TMEFF2: variants seen among roughly 807,000 people sequenced by gnomAD.
The protein encoded by TMEFF2 is transmembrane protein with EGF like and two follistatin like domains 2.
TMEFF2 carries 28 observed loss-of-function variants against 53.8 expected under a neutral mutation model. That is an observed-to-expected ratio of 0.52 (90% CI 0.39 to 0.71). The LOEUF (loss-of-function observed/expected upper bound fraction) is 0.71, where lower values mean the gene tolerates loss of function less well. TMEFF2 is among the 30% of genes least tolerant of loss of function. TMEFF2 has a pLI of 0.00. For synonymous variants in TMEFF2, 162 were observed against 166.3 expected (o/e 0.97, Z 0.20); for missense variants, 353 against 455.2 (o/e 0.78, Z 2.04).
intron 4 of TMEFF2, chr2:192,176,875 G>A (rs139542724): frequency 1.1e-4 from 16 of 151,086 alleles, no homozygotes; most frequent in East Asian, 5.8e-4. Flanking sequence ...ATTTTTACAT[G>A]ATTTTAGATT....
At chr2:192,190,615 G>A (rs1691439201) in intron 2 of TMEFF2, among the ~76,000 whole-genome samples, 1 of 152,144 alleles carries the variant, frequency 6.6e-6, no homozygotes, top group Non-Finnish European at 1.5e-5. Context: ...AAACTGTACA[G>A]TCAGAGCACT....
chr2:192,069,399 A>AC (rs1429067629), intron 4 of TMEFF2, among the ~76,000 whole-genome samples: 6 of 150,126 alleles, frequency 4.0e-5, no homozygotes, highest in East Asian at 3.9e-4. Context: ...CATCACACAC[A>AC]AAAAAAATAG....
chr2:192,158,818 A>G (rs1001477528), intron 4 of TMEFF2, among the ~76,000 whole-genome samples: 2 of 152,164 alleles, frequency 1.3e-5, no homozygotes, highest in Non-Finnish European at 2.9e-5. Flanking sequence ...TCTTTAGTAC[A>G]TGAATTTAAA....
Position 192,062,809 on chromosome 2 carries a change from G to A in TMEFF2, c.440-5034C>T, listed in dbSNP as rs796654505. Among the ~76,000 whole-genome samples the A allele has an allele frequency of 7.9e-5, 12 of 152,014 alleles. No homozygotes were observed. The South Asian group carries it at 1.9e-3, about 24-fold the overall frequency. ...TGTATCTATTTTCTTGAGATATGCT[G>A]GCTGTAATTTTCTTTTCTTGTATTT... On this transcript the variant is annotated intron_variant, in intron 4 of 9. Transcript: ENST00000272771.
At chr2:191,966,861 A>G (rs1692486360) in intron 7 of TMEFF2, among the ~76,000 whole-genome samples, 1 of 152,196 alleles carries the variant, frequency 6.6e-6, no homozygotes. Context: ...GTTTTCTACA[A>G]GAGCATCCTA....
At chr2:192,058,430 TA>T (rs1301065143) in intron 4 of TMEFF2, among the ~76,000 whole-genome samples, 8 of 152,116 alleles carry the variant, frequency 5.3e-5, no homozygotes, top group African/African-American at 1.9e-4. Context: ...TATTTTATTT[TA>T]AAAAAATACA....
At chr2:192,079,656 C>G (rs1688509075) in intron 4 of TMEFF2, among the ~76,000 whole-genome samples, 1 of 152,132 alleles carries the variant, frequency 6.6e-6, no homozygotes, top group African/African-American at 2.4e-5. Context: ...AATGATTTTT[C>G]CTTACTTTCC....
At chr2:192,022,467 A>G (rs1334934236) in intron 5 of TMEFF2, among the ~76,000 whole-genome samples, 1 of 152,136 alleles carries the variant, frequency 6.6e-6, no homozygotes. Flanking sequence ...GTTCTACTTT[A>G]TTACTTTAGC....
chr2:192,149,985 A>C (rs1690345451), intron 4 of TMEFF2, among the ~76,000 whole-genome samples: 1 of 151,954 alleles, frequency 6.6e-6, no homozygotes, highest in Non-Finnish European at 1.5e-5. Context: ...CCCATTATAC[A>C]GCAATTCTTT....
At chr2:192,133,911 C>T (rs1689927579) in intron 4 of TMEFF2, among the ~76,000 whole-genome samples, 2 of 152,192 alleles carry the variant, frequency 1.3e-5, no homozygotes, top group South Asian at 4.1e-4. Flanking sequence ...TCTCCCAAAC[C>T]TCAATCCCTT....
In TMEFF2 at chr2:192,194,215, T is replaced by G; in HGVS notation, c.172+138A>C. ...CAACAGTTCCCCTTGTTTCTCTGGA[T>G]AGAGGTGGGTGGTATTAGGGGTCTA... On this transcript the variant is annotated intron_variant, in intron 1 of 9. Transcript: ENST00000272771. This position sits in a 1 kb window ranked among gnomAD's most constrained non-coding sequence, Gnocchi z 4.2. 4.0e-6 allele frequency: 4 copies of G among 1,003,742 alleles called. No homozygotes were observed. The highest frequency in any genetic ancestry group is 6.0e-6 in the Non-Finnish European group (4 of 670,652). The allele number at this position is 1,003,742 out of a possible 1,614,324, so 62.2% of individuals were successfully genotyped here. A position where few individuals can be genotyped will look rare whatever the true frequency, so the allele number is the denominator to read the frequency against.
chr2:192,154,137 C>T (rs1164617353), intron 4 of TMEFF2, among the ~76,000 whole-genome samples: 2 of 151,888 alleles, frequency 1.3e-5, no homozygotes, highest in East Asian at 3.9e-4. Flanking sequence ...TTAGAGGAGT[C>T]CAAGACTATA....
intron 7 of TMEFF2, among the ~76,000 whole-genome samples, chr2:191,979,262 T>G (rs1045977993): frequency 2.6e-5 from 4 of 152,242 alleles, no homozygotes; most frequent in Non-Finnish European, 5.9e-5. Flanking sequence ...ACGAAGCCTT[T>G]GGTTTTCATG....
intron 5 of TMEFF2, chr2:192,028,059 G>T (rs1467047134): frequency 1.9e-4 from 3 of 15,728 alleles, no homozygotes; most frequent in African/African-American, 4.7e-4. Context: ...TTGAATTATG[G>T]GGGGGGGGGG....
At chr2:191,994,821 C>T (rs573819426) in intron 7 of TMEFF2, among the ~76,000 whole-genome samples, 1 of 152,010 alleles carries the variant, frequency 6.6e-6, no homozygotes, top group Admixed American at 6.6e-5. Context: ...CATTAAATGG[C>T]CTGGTTAGCT....
chr2:192,149,312 C>G (rs1690328450), intron 4 of TMEFF2, among the ~76,000 whole-genome samples: 1 of 151,840 alleles, frequency 6.6e-6, no homozygotes, highest in South Asian at 2.1e-4. Context: ...TTCATTTGCA[C>G]AAAAAGCAAG....
chr2:191,966,754 C>T (rs933116023), intron 7 of TMEFF2, among the ~76,000 whole-genome samples: 2 of 152,106 alleles, frequency 1.3e-5, no homozygotes, highest in African/African-American at 4.8e-5. Context: ...TATTCTCATA[C>T]TTAAAAGTAT....
chr2:192,089,553 C>T (rs934940443), intron 4 of TMEFF2, among the ~76,000 whole-genome samples: 2 of 151,980 alleles, frequency 1.3e-5, no homozygotes, highest in Non-Finnish European at 2.9e-5. Flanking sequence ...TTCTCCATAC[C>T]CACAGAGTCC....
chr2:192,179,208 A>G (rs1489109103), intron 4 of TMEFF2: 1 of 153,040 alleles, frequency 6.5e-6, no homozygotes, highest in African/African-American at 2.4e-5. Context: ...AAGTTCCTTC[A>G]GTTTCAAATT....
Sources: allele counts gnomAD v4.1 joint callset (sites outside exome capture counted in the v4.1 genomes callset), GRCh38; gene constraint gnomAD v4.1.1; non-coding constraint Gnocchi (gnomAD v3.1); transcripts MANE v1.5; gene names NCBI Gene and HGNC (gene_info 2026-07-23, HGNC 2026-07-21).